CCDC91: variants seen among roughly 807,000 people sequenced by gnomAD.
CCDC91 encodes the protein coiled-coil domain containing 91.
CCDC91 carries 48 observed loss-of-function variants against 63.2 expected under a neutral mutation model. The ratio of observed to expected loss-of-function variants is 0.76; its 90% CI spans 0.60 to 0.97. CCDC91 has a LOEUF of 0.97. Among genes scored for constraint, CCDC91 ranks in the 50% least tolerant of loss-of-function variants. CCDC91 has a pLI of 0.00. For missense variants in CCDC91, 500 were observed against 494.6 expected (o/e 1.01, Z -0.10); for synonymous variants, 167 against 165.8 (o/e 1.01, Z -0.06).
chr12:28,387,693 T>C (rs1195188718), intron 7 of CCDC91, among the ~76,000 whole-genome samples: 1 of 152,238 alleles, frequency 6.6e-6, no homozygotes, highest in African/African-American at 2.4e-5. Context: ...TTCAGTCCCA[T>C]CCAGGTTTCT....
At position 28,386,389 on chromosome 12, in the gene CCDC91, A is replaced by T. The variant is rs115903571; in HGVS notation, c.655-4915A>T. On this transcript the variant is annotated intron_variant, in intron 7 of 12. Transcript: ENST00000536442. ...ATTATTCTTTTTTCTTTTTTCTGAG[A>T]TGGAGTCTTGGTCTTGTCGCCCAGG... Among the ~76,000 whole-genome samples the T allele has an allele frequency of 9.2e-3, 1,401 of 152,128 alleles. 27 individuals carry two copies. Among genetic ancestry groups the T allele is most frequent in the African/African-American group, 0.032 (1,333 of 41,502 alleles).
chr12:28,298,856 T>G (rs1353155498), intron 3 of CCDC91, among the ~76,000 whole-genome samples: 9 of 151,514 alleles, frequency 5.9e-5, no homozygotes, highest in Non-Finnish European at 1.3e-4. Context: ...ATCTTCAGGA[T>G]TTATATTTTT....
intron 1 of CCDC91, chr12:28,255,663 G>A (rs1393096484): frequency 6.6e-6 from 1 of 152,098 alleles, no homozygotes; most frequent in Non-Finnish European, 1.5e-5. Context: ...TGCTAAAATT[G>A]TGAGTAATGG....
intron 1 of CCDC91, among the ~76,000 whole-genome samples, chr12:28,201,360 C>T (rs1343181745): frequency 6.8e-6 from 1 of 146,278 alleles, no homozygotes; most frequent in Non-Finnish European, 1.5e-5. Context: ...GGGTCGCGGC[C>T]AGGTAGAGGA....
chr12:28,370,861 T>C (rs889798779), intron 7 of CCDC91, among the ~76,000 whole-genome samples: 3 of 152,070 alleles, frequency 2.0e-5, no homozygotes, highest in Admixed American at 6.6e-5. Context: ...GCCACACTTT[T>C]AAGCTGTCAG....
chr12:28,342,012 A>C (rs1382261906), intron 6 of CCDC91, among the ~76,000 whole-genome samples: 1 of 152,230 alleles, frequency 6.6e-6, no homozygotes, highest in Non-Finnish European at 1.5e-5. Flanking sequence ...TTACGATCTC[A>C]GACCTCAAAG....
intron 6 of CCDC91, among the ~76,000 whole-genome samples, chr12:28,347,654 T>C (rs1370473461): frequency 1.3e-5 from 2 of 152,220 alleles, no homozygotes; most frequent in African/African-American, 2.4e-5. Flanking sequence ...TTAGAAATTA[T>C]GAAATGAGGT....
chr12:28,206,629 T>G (rs1428330974), intron 1 of CCDC91, among the ~76,000 whole-genome samples: 2 of 152,172 alleles, frequency 1.3e-5, no homozygotes, highest in African/African-American at 4.8e-5. Flanking sequence ...AGTTTTTTCA[T>G]TAATCCCCTG....
chr12:28,385,276 T>G (rs2139168454), intron 7 of CCDC91, among the ~76,000 whole-genome samples: 1 of 152,294 alleles, frequency 6.6e-6, no homozygotes, highest in East Asian at 1.9e-4. Flanking sequence ...ACTAAGTGTA[T>G]AATTACAGGT....
chr12:28,470,582 G>A (rs1950766850), intron 11 of CCDC91, among the ~76,000 whole-genome samples: 1 of 152,040 alleles, frequency 6.6e-6, no homozygotes, highest in Admixed American at 6.6e-5. Flanking sequence ...TCCCACTCCT[G>A]GATATATACC....
intron 3 of CCDC91, among the ~76,000 whole-genome samples, chr12:28,283,033 AT>A (rs1194883943): frequency 6.6e-6 from 1 of 151,946 alleles, no homozygotes; most frequent in African/African-American, 2.4e-5. Context: ...ATTTGGCTGT[AT>A]TTCTAGGTTC....
intron 1 of CCDC91, among the ~76,000 whole-genome samples, chr12:28,255,098 A>C (rs528159321): frequency 8.5e-5 from 13 of 152,174 alleles, no homozygotes; most frequent in Non-Finnish European, 1.5e-4. Flanking sequence ...TCTGGAAAAC[A>C]TCAGTGGTCA....
intron 6 of CCDC91, among the ~76,000 whole-genome samples, chr12:28,323,132 CTA>C (rs769932840): frequency 6.6e-6 from 1 of 150,582 alleles, no homozygotes; most frequent in Non-Finnish European, 1.5e-5. Flanking sequence ...AAAATTAACT[CTA>C]GTAAATTTTT....
At chr12:28,254,859 C>A (rs1466906022) in intron 1 of CCDC91, among the ~76,000 whole-genome samples, 1 of 150,866 alleles carries the variant, frequency 6.6e-6, no homozygotes, top group Non-Finnish European at 1.5e-5. Context: ...GCAACCTCCA[C>A]CTCTCAGGTT....
intron 1 of CCDC91, among the ~76,000 whole-genome samples, chr12:28,196,805 C>T (rs943982946): frequency 4.6e-5 from 7 of 152,086 alleles, no homozygotes; most frequent in African/African-American, 1.4e-4. Flanking sequence ...GCTTTTCTTT[C>T]AGTCTTTTCT....
At chr12:28,440,541 C>G (rs1311952507) in intron 8 of CCDC91, among the ~76,000 whole-genome samples, 1 of 151,934 alleles carries the variant, frequency 6.6e-6, no homozygotes, top group Non-Finnish European at 1.5e-5. Context: ...GTGGTACACA[C>G]AAAGCAATAG....
intron 12 of CCDC91, among the ~76,000 whole-genome samples, chr12:28,512,919 A>G (rs1295882676): frequency 6.6e-6 from 1 of 151,916 alleles, no homozygotes; most frequent in Non-Finnish European, 1.5e-5. Flanking sequence ...AGGTCCTTAT[A>G]TTATATGGCC....
chr12:28,435,263 G>T lies in CCDC91; in HGVS notation c.763-14898G>T, dbSNP rs370711600. On this transcript the variant is annotated intron_variant, in intron 8 of 12. Coordinates refer to ENST00000536442, the MANE Select transcript of CCDC91 (RefSeq NM_018318.5). The stretch of plus-strand genomic sequence containing the variant: ...TTCTAATGCTAAAAATATATTCTGG[G>T]CACTGCTTTTAGTACCTCCCACAAA... 3.2e-4 allele frequency among the ~76,000 whole-genome samples: 48 copies of T among 151,282 alleles called. No individual in the cohort carries two copies. The East Asian group carries it at 8.5e-3, about 27-fold the overall frequency.
At chr12:28,514,404 A>T (rs1240395457) in intron 12 of CCDC91, among the ~76,000 whole-genome samples, 1 of 150,606 alleles carries the variant, frequency 6.6e-6, no homozygotes, top group Non-Finnish European at 1.5e-5. Context: ...TCCATTCTGT[A>T]GGTTGTCTGT....
Sources: gnomAD v4.1 joint callset for allele counts (sites outside exome capture counted in the v4.1 genomes callset) on GRCh38, gnomAD v4.1.1 for gene constraint, MANE v1.5 for transcripts, NCBI Gene and HGNC (gene_info 2026-07-23, HGNC 2026-07-21) for gene names.